The following ANKS1B variants were observed in gnomAD, a reference collection of about 807,000 sequenced individuals.
The protein encoded by ANKS1B is ankyrin repeat and sterile alpha motif domain containing 1B.
In ANKS1B, 36 loss-of-function variants were observed where a neutral mutation model predicts 148.3. The ratio of observed to expected loss-of-function variants is 0.24; its 90% confidence interval spans 0.19 to 0.32. The LOEUF (loss-of-function observed/expected upper bound fraction) is 0.32. Ranked by LOEUF, ANKS1B falls within the 10% of genes least tolerant of loss-of-function variation. The pLI is 1.00. For synonymous variants in ANKS1B, 542 were observed against 560.8 expected (o/e 0.97, Z 0.47); for missense variants, 1,157 against 1,542.6 (o/e 0.75, Z 4.19).
chr12:99,778,255 C>T (rs956400997), intron 6 of ANKS1B, among the ~76,000 whole-genome samples: 9 of 151,844 alleles, frequency 5.9e-5, no homozygotes, highest in African/African-American at 2.2e-4. Context: ...TGCGTGTAAT[C>T]CCAGCACTTT....
chr12:99,428,729 A>G (rs2095309487), intron 11 of ANKS1B, among the ~76,000 whole-genome samples: 1 of 152,212 alleles, frequency 6.6e-6, no homozygotes, highest in African/African-American at 2.4e-5. Flanking sequence ...GAGAACAGTG[A>G]CATCCCAGTA....
intron 22 of ANKS1B, among the ~76,000 whole-genome samples, chr12:98,790,329 C>T (rs1353926973): frequency 6.6e-6 from 1 of 152,080 alleles, no homozygotes; most frequent in Non-Finnish European, 1.5e-5. Context: ...TTCCTTGCGG[C>T]GTGGTTAGGT....
At chr12:99,808,972 A>G (rs1358192418) in intron 3 of ANKS1B, among the ~76,000 whole-genome samples, 1 of 152,144 alleles carries the variant, frequency 6.6e-6, no homozygotes, top group Non-Finnish European at 1.5e-5. Context: ...GATTTTATCC[A>G]TGATCATCAC....
At chr12:99,737,471 T>C (rs901044963) in intron 8 of ANKS1B, among the ~76,000 whole-genome samples, 1 of 152,128 alleles carries the variant, frequency 6.6e-6, no homozygotes, top group Non-Finnish European at 1.5e-5. Context: ...CTCACTCATA[T>C]GTAGGAGGTA....
chr12:99,289,817 T>C (rs1428831787), intron 12 of ANKS1B, among the ~76,000 whole-genome samples: 6 of 151,552 alleles, frequency 4.0e-5, no homozygotes, highest in Non-Finnish European at 7.4e-5. Flanking sequence ...ATCAAAAAAG[T>C]AGAAAAACTT....
intron 10 of ANKS1B, among the ~76,000 whole-genome samples, chr12:99,466,376 G>T (rs965865800): frequency 6.6e-6 from 1 of 151,956 alleles, no homozygotes; most frequent in African/African-American, 2.4e-5. Flanking sequence ...ACAATTAAAA[G>T]AACTAGAAAA....
At chr12:99,457,401 GATA>G (rs1417349443) in intron 10 of ANKS1B, among the ~76,000 whole-genome samples, 1 of 151,766 alleles carries the variant, frequency 6.6e-6, no homozygotes, top group Non-Finnish European at 1.5e-5. Flanking sequence ...CAAATAGCAT[GATA>G]AACAGAACAG....
At chr12:99,154,723 C>A (rs1363101474) in intron 14 of ANKS1B, 3 of 1,439,090 alleles carry the variant, frequency 2.1e-6, no homozygotes, top group East Asian at 2.5e-5. Flanking sequence ...TTGGGCTGGT[C>A]TGCGTTCTAT....
At chr12:98,841,813 C>T (rs1467131117) in intron 17 of ANKS1B, among the ~76,000 whole-genome samples, 1 of 152,024 alleles carries the variant, frequency 6.6e-6, no homozygotes, top group African/African-American at 2.4e-5. Context: ...CCCTTTGTCC[C>T]CACCCCCACC....
rs369718419 is a variant in ANKS1B at position 99,785,983 on chromosome 12, G to A, written c.670-3886C>T. ...GAAATGAGAAACTGGAAACTGATTC[G>A]GCTCTTAAGAAAATATTTCAATGTG... On this transcript the variant is annotated intron_variant, in intron 4 of 26. Transcript: ENST00000683438. Among the ~76,000 whole-genome samples, 6 of 152,188 alleles carry A rather than the reference G, an allele frequency of 3.9e-5. 1 individual carries two copies. Among genetic ancestry groups the A allele is most frequent in the East Asian group, 3.9e-4 (2 of 5,168 alleles).
chr12:99,555,821 C>T (rs754785070), intron 9 of ANKS1B, among the ~76,000 whole-genome samples: 19 of 152,180 alleles, frequency 1.2e-4, no homozygotes, highest in Middle Eastern at 3.4e-3. Context: ...TGATGTGCTG[C>T]TGAATTTGGT....
intron 12 of ANKS1B, among the ~76,000 whole-genome samples, chr12:99,313,955 A>G (rs771165773): frequency 1.8e-4 from 28 of 152,228 alleles, no homozygotes; most frequent in Non-Finnish European, 3.5e-4. Flanking sequence ...GGGCCTTCAA[A>G]TAGGAAGAGA....
At chr12:99,702,860 TAG>T (rs2055092802) in intron 8 of ANKS1B, among the ~76,000 whole-genome samples, 1 of 150,114 alleles carries the variant, frequency 6.7e-6, no homozygotes, top group Non-Finnish European at 1.5e-5. Context: ...AACAATGTTC[TAG>T]AGAGTTTCCC....
intron 12 of ANKS1B, among the ~76,000 whole-genome samples, chr12:99,280,458 T>C (rs1392502535): frequency 6.6e-6 from 1 of 152,202 alleles, no homozygotes; most frequent in Non-Finnish European, 1.5e-5. Flanking sequence ...GCACAAGTTA[T>C]GTGTTTTACT....
chr12:99,038,490 A>G (rs1419981024), intron 17 of ANKS1B, among the ~76,000 whole-genome samples: 2 of 152,136 alleles, frequency 1.3e-5, no homozygotes, highest in African/African-American at 4.8e-5. Context: ...TAGGTTTTCA[A>G]TGACCTCCAT....
intron 1 of ANKS1B, among the ~76,000 whole-genome samples, chr12:99,913,466 C>T (rs1226661531): frequency 6.6e-6 from 1 of 151,982 alleles, no homozygotes. Flanking sequence ...CCTAAGAAAG[C>T]TATAAATAAT....
intron 9 of ANKS1B, among the ~76,000 whole-genome samples, chr12:99,600,046 C>T (rs2097788531): frequency 6.6e-6 from 1 of 151,840 alleles, no homozygotes; most frequent in African/African-American, 2.4e-5. Flanking sequence ...TCAATTTGTT[C>T]ATTGGTGAAT....
At chr12:99,748,394 G>T (rs1222260925) in intron 8 of ANKS1B, among the ~76,000 whole-genome samples, 1 of 151,022 alleles carries the variant, frequency 6.6e-6, no homozygotes, top group Admixed American at 6.6e-5. Context: ...CCTAAAATTG[G>T]CTTGAGAACT....
intron 17 of ANKS1B, among the ~76,000 whole-genome samples, chr12:98,890,145 G>T (rs1438209430): frequency 6.6e-6 from 1 of 152,182 alleles, no homozygotes; most frequent in Non-Finnish European, 1.5e-5. Context: ...GGTAAATGGA[G>T]GGAGGGCCAG....
Sources: allele counts gnomAD v4.1 joint callset (sites outside exome capture counted in the v4.1 genomes callset), GRCh38; gene constraint gnomAD v4.1.1; transcripts MANE v1.5; gene names NCBI Gene and HGNC (gene_info 2026-07-23, HGNC 2026-07-21).